The following ARHGEF10L variants were observed in gnomAD, a reference collection of about 807,000 sequenced individuals.
ARHGEF10L encodes Rho guanine nucleotide exchange factor 10 like, also known as rho guanine nucleotide exchange factor 10-like protein.
ARHGEF10L carries 69 observed loss-of-function variants against 141.2 expected under a neutral mutation model. The ratio of observed to expected loss-of-function variants is 0.49; its 90% CI spans 0.40 to 0.60. The LOEUF is 0.60. Ranked by LOEUF, ARHGEF10L falls within the 20% of genes least tolerant of loss-of-function variation. The probability of loss-of-function intolerance (pLI) is 0.00; values close to 1 mark genes in which losing one functional copy is unlikely to be tolerated. For synonymous variants in ARHGEF10L, 711 were observed against 718.5 expected (o/e 0.99, Z 0.17); for missense variants, 1,482 against 1,734.3 (o/e 0.85, Z 2.58).
chr1:17,584,727 C>T (rs1015437280), intron 2 of ARHGEF10L, among the ~76,000 whole-genome samples: 1 of 152,182 alleles, frequency 6.6e-6, no homozygotes, highest in Admixed American at 6.5e-5. Context: ...GGCCCTGGGG[C>T]TGCGGGTGCA....
intron 9 of ARHGEF10L, chr1:17,618,257 T>TCCC: frequency 1.5e-5 from 11 of 714,920 alleles, no homozygotes; most frequent in African/African-American, 3.9e-5. Flanking sequence ...TCCTCAGCCC[T>TCCC]CCCCACCCCG....
chr1:17,694,017 A>G (rs950903037), intron 27 of ARHGEF10L: 2 of 151,942 alleles, frequency 1.3e-5, no homozygotes, highest in African/African-American at 2.4e-5. Context: ...TGCCCCCTGC[A>G]CTCCCAGCCT....
At chr1:17,675,355 G>A (rs766167584) in intron 26 of ARHGEF10L, among the ~76,000 whole-genome samples, 11 of 152,240 alleles carry the variant, frequency 7.2e-5, no homozygotes, top group Non-Finnish European at 1.6e-4. Context: ...TAGAGTCTCA[G>A]CCTCAAGATG....
At chr1:17,601,328 G>A (rs1472115215) in intron 4 of ARHGEF10L, among the ~76,000 whole-genome samples, 1 of 152,202 alleles carries the variant, frequency 6.6e-6, no homozygotes, top group African/African-American at 2.4e-5. Context: ...CTCCTCTGCT[G>A]TTTCCCATTT....
At chr1:17,682,601 G>A (rs995485866) in intron 26 of ARHGEF10L, among the ~76,000 whole-genome samples, 4 of 152,208 alleles carry the variant, frequency 2.6e-5, no homozygotes, top group African/African-American at 9.6e-5. Context: ...AGCCTGAGGG[G>A]CATTGTTTGC....
At chr1:17,664,285 C>G (rs2062829369) in intron 25 of ARHGEF10L, among the ~76,000 whole-genome samples, 162 bp from the exon 26 acceptor site, 2 of 152,118 alleles carry the variant, frequency 1.3e-5, no homozygotes, top group South Asian at 4.1e-4. Context: ...GAGTCGGAGG[C>G]AGATGGGGAC....
chr1:17,606,976 T>G (rs1395012425), intron 6 of ARHGEF10L, among the ~76,000 whole-genome samples: 2 of 152,200 alleles, frequency 1.3e-5, no homozygotes, highest in Non-Finnish European at 2.9e-5. Flanking sequence ...TCCAAGGCAT[T>G]TCCCGCAGGC....
intron 4 of ARHGEF10L, among the ~76,000 whole-genome samples, chr1:17,598,164 C>T (rs539372924): frequency 1.3e-4 from 20 of 151,328 alleles, no homozygotes; most frequent in African/African-American, 4.4e-4. Context: ...TGCAGTGGCA[C>T]GATCTCAGCT....
At chr1:17,606,601 T>C (rs1570844343) in intron 6 of ARHGEF10L, among the ~76,000 whole-genome samples, 1 of 100,508 alleles carries the variant, frequency 9.9e-6, no homozygotes, top group Non-Finnish European at 2.0e-5. Context: ...GTCAGATTCC[T>C]TTTTTTTTTT....
chr1:17,655,345 A>G (rs1314149231), intron 23 of ARHGEF10L, among the ~76,000 whole-genome samples: 1 of 151,322 alleles, frequency 6.6e-6, no homozygotes, highest in Non-Finnish European at 1.5e-5. Flanking sequence ...ATATATATTT[A>G]ATCCATCCAT....
chr1:17,641,882 G>A (rs764617645), intron 21 of ARHGEF10L, among the ~76,000 whole-genome samples: 14 of 151,462 alleles, frequency 9.2e-5, no homozygotes, highest in Non-Finnish European at 1.8e-4. Flanking sequence ...TCGAGAGGTT[G>A]AGGCAGGAGA....
intron 4 of ARHGEF10L, among the ~76,000 whole-genome samples, chr1:17,590,815 C>G (rs906676382): frequency 1.3e-5 from 2 of 152,076 alleles, no homozygotes; most frequent in African/African-American, 2.4e-5. Flanking sequence ...GGTGAAACCC[C>G]GTCTCTACAG....
chr1:17,613,378 G>A (rs1351751311), intron 8 of ARHGEF10L, among the ~76,000 whole-genome samples: 1 of 152,186 alleles, frequency 6.6e-6, no homozygotes, highest in Non-Finnish European at 1.5e-5. Context: ...TCCCTTCCAT[G>A]TTCTCACCCC....
chr1:17,539,522 G>A (rs2076638263), upstream of ARHGEF10L, among the ~76,000 whole-genome samples: 1 of 151,980 alleles, frequency 6.6e-6, no homozygotes, highest in Non-Finnish European at 1.5e-5. The surrounding 1 kb of genome is among the most constrained non-coding windows in gnomAD (Gnocchi z 6.0). Context: ...TGTACTGTGG[G>A]GGGCCGGTGG....
the ARHGEF10L span, among the ~76,000 whole-genome samples, chr1:17,521,476 G>A: frequency 1.3e-5 from 2 of 152,244 alleles, no homozygotes; most frequent in Non-Finnish European, 2.9e-5. Context: ...GATTGCAGGC[G>A]TAGAGCTCGA....
At chr1:17,553,372 T>C (rs1197078647) in intron 1 of ARHGEF10L, among the ~76,000 whole-genome samples, 1 of 152,232 alleles carries the variant, frequency 6.6e-6, no homozygotes, top group Non-Finnish European at 1.5e-5. Flanking sequence ...CAGGTTTCTA[T>C]CTAGGAATCT....
At chr1:17,606,981 G>A (rs796163550) in intron 6 of ARHGEF10L, among the ~76,000 whole-genome samples, 4 of 152,306 alleles carry the variant, frequency 2.6e-5, no homozygotes, top group East Asian at 3.9e-4. Flanking sequence ...GGCATTTCCC[G>A]CAGGCTTAGG....
chr1:17,565,420 A>G (rs1054170133), intron 1 of ARHGEF10L, among the ~76,000 whole-genome samples: 1 of 152,198 alleles, frequency 6.6e-6, no homozygotes, highest in Non-Finnish European at 1.5e-5. Context: ...CATCCCAGGC[A>G]TTGCAGACGA....
intron 26 of ARHGEF10L, among the ~76,000 whole-genome samples, chr1:17,665,543 C>T (rs1317113299): frequency 6.6e-6 from 1 of 152,162 alleles, no homozygotes; most frequent in Non-Finnish European, 1.5e-5. Flanking sequence ...GTTGTAGCAG[C>T]ACAGAGGTGT....
Sources: allele counts gnomAD v4.1 joint callset (sites outside exome capture counted in the v4.1 genomes callset), GRCh38; gene constraint gnomAD v4.1.1; non-coding constraint Gnocchi (gnomAD v3.1); transcripts MANE v1.5; gene names NCBI Gene and HGNC (gene_info 2026-07-23, HGNC 2026-07-21).